ING3: variants seen among roughly 807,000 people sequenced by gnomAD.
ING3 encodes inhibitor of growth protein 3.
A neutral mutation model predicts 64.8 loss-of-function variants in ING3; 6 were observed. The ratio of observed to expected loss-of-function variants is 0.09; its 90% CI spans 0.05 to 0.18. The LOEUF (loss-of-function observed/expected upper bound fraction) is 0.18, where lower values mean the gene tolerates loss of function less well. Among genes scored for constraint, ING3 ranks in the 10% least tolerant of loss-of-function variants. ING3 has a pLI of 1.00. For synonymous variants in ING3, 170 were observed against 173.7 expected (o/e 0.98, Z 0.17); for missense variants, 310 against 489.7 (o/e 0.63, Z 3.46).
At chr7:120,958,001 CTTT>C (rs1795877013) in intron 4 of ING3, among the ~76,000 whole-genome samples, 1 of 152,170 alleles carries the variant, frequency 6.6e-6, no homozygotes, top group Non-Finnish European at 1.5e-5. Context: ...TTTGCTCCTT[CTTT>C]AAGAACTCAG....
intron 4 of ING3, 47 bp downstream of exon 4, chr7:120,955,671 A>G (rs1237952954): frequency 8.2e-7 from 1 of 1,220,066 alleles, no homozygotes. Flanking sequence ...CTTGAATAAC[A>G]GATTATATCT....
At chr7:120,964,938 A>G (rs1191244656) in intron 5 of ING3, 100 bp downstream of exon 5, 76 of 913,278 alleles carry the variant, frequency 8.3e-5, no homozygotes, top group East Asian at 1.7e-4. Context: ...CTGCCCTTCA[A>G]TGGATGGTGG....
intron 4 of ING3, among the ~76,000 whole-genome samples, chr7:120,960,836 A>G (rs1304519313): frequency 6.6e-6 from 1 of 152,190 alleles, no homozygotes; most frequent in East Asian, 1.9e-4. Flanking sequence ...GTTGTTAAAT[A>G]CTTATTTGTG....
intron 4 of ING3, among the ~76,000 whole-genome samples, chr7:120,963,344 A>G (rs1412975835): frequency 6.6e-6 from 1 of 152,090 alleles, no homozygotes; most frequent in East Asian, 1.9e-4. Context: ...AAAATCACAA[A>G]CCAACACCCT....
At chr7:120,974,069 C>T (rs1156464757) in intron 11 of ING3, among the ~76,000 whole-genome samples, 1 of 152,082 alleles carries the variant, frequency 6.6e-6, no homozygotes, top group Non-Finnish European at 1.5e-5. Context: ...AACAATATTG[C>T]CCAACCATTT....
intron 10 of ING3, 78 bp from the exon 11 acceptor site, chr7:120,973,127 A>C: frequency 1.3e-6 from 1 of 764,164 alleles, no homozygotes; most frequent in Non-Finnish European, 2.3e-6. Context: ...TTCCAGCAGT[A>C]TCATACATAA....
At position 120,955,595 on chromosome 7, in the gene ING3, G is replaced by T; in HGVS notation, c.238G>T (p.Val80Phe). 6.2e-7 allele frequency: 1 copy of T among 1,611,748 alleles called. No homozygotes were observed. The highest frequency in any genetic ancestry group is 1.1e-5 in the South Asian group (1 of 91,034). ...YKALEDADEK[V>F]QLANQIYDLV... is the part of the protein sequence containing the mutation. ...AGCTTTGGAAGATGCAGATGAGAAGGTTCAGTTGGCAAACCAGATATATGA... is the reference window on the plus strand; with the variant it reads ...AGCTTTGGAAGATGCAGATGAGAAGTTTCAGTTGGCAAACCAGATATATGA... Residue 80 changes from valine to phenylalanine, a missense_variant, in exon 4 of 12, where the codon GTT becomes TTT. Transcript: ENST00000315870.
chr7:120,971,196 C>T (rs1796065929), intron 10 of ING3, among the ~76,000 whole-genome samples: 1 of 152,182 alleles, frequency 6.6e-6, no homozygotes, highest in Admixed American at 6.5e-5. Context: ...AAATAATTTT[C>T]TCACAGGTAT....
chr7:120,961,683 G>A (rs942775890), intron 4 of ING3, among the ~76,000 whole-genome samples: 1 of 152,176 alleles, frequency 6.6e-6, no homozygotes, highest in Non-Finnish European at 1.5e-5. Flanking sequence ...GATCATGAGT[G>A]TGTTAACAAG....
rs1796119256 is a variant in ING3, at chr7:120,975,207, T to C, written c.*363T>C. ...AGATTTTAAGGAAAGTATTTTATAT[T>C]CAACAGGTATATTCTGCTGCATGTA... On this transcript the variant is annotated 3_prime_UTR_variant, in exon 12 of 12. Transcript: ENST00000315870. 1 of 167,338 alleles carries C rather than the reference T, an allele frequency of 6.0e-6. No individual in the cohort carries two copies. Among genetic ancestry groups the C allele is most frequent in the Non-Finnish European group, 1.3e-5 (1 of 77,200 alleles). 10.4% of individuals were successfully genotyped at this position (167,338 alleles called of 1,614,324 possible). A position where few individuals can be genotyped will look rare whatever the true frequency, so the allele number is the denominator to read the frequency against.
chr7:120,966,816 T>C (rs1251896278), intron 6 of ING3, 119 bp downstream of exon 6: 1 of 758,104 alleles, frequency 1.3e-6, no homozygotes, highest in East Asian at 2.5e-5. Context: ...TTCTTTTTTT[T>C]TCATTGCAAG....
At chr7:120,960,540 C>T (rs907162282) in intron 4 of ING3, among the ~76,000 whole-genome samples, 7 of 152,020 alleles carry the variant, frequency 4.6e-5, no homozygotes, top group East Asian at 1.9e-4. Context: ...TTTTATATGG[C>T]GTTGCATTTT....
rs1796133447 is a variant in ING3, at chr7:120,976,346, C to T, written c.*1502C>T. 6.6e-6 allele frequency: 1 copy of T among 152,000 alleles called. No homozygotes were observed. Among genetic ancestry groups the T allele is most frequent in the Admixed American group, 6.6e-5 (1 of 15,238 alleles). 9.4% of individuals were successfully genotyped at this position (152,000 alleles called of 1,614,324 possible). A position where few individuals can be genotyped will look rare whatever the true frequency, so the allele number is the denominator to read the frequency against. ...AGTGTAAAATCTATGCAGTGCTACC[C>T]AAAGGGTGTGAGGTAGATAGGGGAT... is the stretch of plus-strand genomic sequence containing the variant. On this transcript the variant is annotated 3_prime_UTR_variant, in exon 12 of 12. Coordinates refer to ENST00000315870, the MANE Select transcript of ING3 (RefSeq NM_019071.3).
At chr7:120,973,848 CCTTATTTAGT>C (rs1796100514) in intron 11 of ING3, among the ~76,000 whole-genome samples, 1 of 152,110 alleles carries the variant, frequency 6.6e-6, no homozygotes, top group African/African-American at 2.4e-5. Flanking sequence ...TTGACTCCCT[CCTTATTTAGT>C]AGTGACAGGA....
At position 120,969,104 on chromosome 7, in the gene ING3, A is replaced by C. The variant is rs568506964; in HGVS notation, c.808A>C (p.Arg270=). The change falls in exon 9 of 12, where the codon AGG becomes CGG. Residue 270 remains arginine, a synonymous_variant. Coordinates refer to ENST00000315870, the MANE Select transcript of ING3 (RefSeq NM_019071.3). ...GTTGGGAAAAGAATTTTCAATGGCCAGGGAAACAGTTGGCTATTCATCATC... is the reference window on the plus strand; with the variant it reads ...GTTGGGAAAAGAATTTTCAATGGCCCGGGAAACAGTTGGCTATTCATCATC... ...FQLGKEFSMA[R]ETVGYSSSSA... The C allele has an allele frequency of 8.5e-5, 138 of 1,614,126 alleles. No individual in the cohort carries two copies. The East Asian group carries it at 3.0e-3, about 35-fold the overall frequency.
chr7:120,957,326 C>T (rs1332685170), intron 4 of ING3, among the ~76,000 whole-genome samples: 1 of 151,226 alleles, frequency 6.6e-6, no homozygotes, highest in Non-Finnish European at 1.5e-5. Context: ...GAGCAGAGAT[C>T]GCGCCACTGC....
At chr7:120,964,027 AT>A (rs1219012754) in intron 4 of ING3, among the ~76,000 whole-genome samples, 4 of 152,118 alleles carry the variant, frequency 2.6e-5, no homozygotes, top group African/African-American at 9.6e-5. Context: ...ACATTAAGAC[AT>A]TTTTTGTTAG....
At chr7:120,955,499 C>A in intron 3 of ING3, 60 bp from the exon 4 acceptor site, 1 of 1,108,692 alleles carries the variant, frequency 9.0e-7, no homozygotes, top group Non-Finnish European at 1.3e-6. Flanking sequence ...GTTGTATGTC[C>A]TGCATATGAA....
At chr7:120,973,288 T>A in intron 11 of ING3, 45 bp downstream of exon 11, 3 of 1,197,056 alleles carry the variant, frequency 2.5e-6, no homozygotes, top group Non-Finnish European at 3.7e-6. Flanking sequence ...AAATCACAGG[T>A]TGTTATTACT....
Sources: gnomAD v4.1 joint callset for allele counts (sites outside exome capture counted in the v4.1 genomes callset) on GRCh38, gnomAD v4.1.1 for gene constraint, MANE v1.5 for transcripts, NCBI Gene and HGNC (gene_info 2026-07-23, HGNC 2026-07-21) for gene names.